RBMS3: variants seen among roughly 807,000 people sequenced by gnomAD.
RBMS3 encodes RNA binding motif single stranded interacting protein 3.
Under a neutral mutation model 66.8 loss-of-function variants are expected in RBMS3, and 27 were observed. The ratio of observed to expected loss-of-function variants is 0.40; its 90% confidence interval spans 0.30 to 0.56. RBMS3 has a LOEUF of 0.56. RBMS3 is among the 20% of genes least tolerant of loss of function. The pLI, the probability that RBMS3 is intolerant of heterozygous loss-of-function variation, is 0.40. For synonymous variants in RBMS3, 188 were observed against 183.0 expected (o/e 1.03, Z -0.22); for missense variants, 513 against 549.5 (o/e 0.93, Z 0.66).
intron 1 of RBMS3, among the ~76,000 whole-genome samples, chr3:29,405,986 C>T (rs1394442177): frequency 2.0e-5 from 3 of 152,162 alleles, no homozygotes; most frequent in East Asian, 3.9e-4. Flanking sequence ...TGCTGCATAT[C>T]CTAATTGTTA....
chr3:29,897,333 G>A (rs2060145726), intron 8 of RBMS3, 46 bp from the exon 9 acceptor site: 3 of 1,531,470 alleles, frequency 2.0e-6, no homozygotes, highest in Non-Finnish European at 1.8e-6. Flanking sequence ...TAGAGGCCAG[G>A]CATGTAGCAG....
chr3:29,365,408 A>G (rs2037842568), intron 1 of RBMS3, among the ~76,000 whole-genome samples: 1 of 152,120 alleles, frequency 6.6e-6, no homozygotes, highest in African/African-American at 2.4e-5. Context: ...ATCATTCATA[A>G]TGTTAGCATG....
chr3:29,354,561 G>T (rs1009543455), intron 1 of RBMS3, among the ~76,000 whole-genome samples: 1 of 151,646 alleles, frequency 6.6e-6, no homozygotes, highest in South Asian at 2.1e-4. Context: ...CATGGTGCAC[G>T]TGTGCACGTG....
chr3:29,697,160 T>G, intron 4 of RBMS3: 1 of 940,338 alleles, frequency 1.1e-6, no homozygotes, highest in Non-Finnish European at 1.3e-6. Context: ...GGATCTAAGT[T>G]TGGGAAAATT....
In RBMS3 at chr3:29,868,955, G is replaced by A; in HGVS notation, c.735G>A (p.Arg245=). The A allele has an allele frequency of 6.3e-7, 1 of 1,595,140 alleles. No homozygotes were observed. Among genetic ancestry groups the A allele is most frequent in the Non-Finnish European group, 8.6e-7 (1 of 1,169,564 alleles). Residue 245 remains arginine, a synonymous_variant, in exon 7 of 15, where the codon AGG becomes AGA. Transcript: ENST00000383767. ...KYTQNGRPWP[R]EGEAGMALTY... is the part of the protein sequence containing the mutation. ...CCCAGAATGGGAGGCCTTGGCCCAGGGAAGGAGAGGTGAGTCCTGACTGAT... is the reference window on the plus strand; with the variant it reads ...CCCAGAATGGGAGGCCTTGGCCCAGAGAAGGAGAGGTGAGTCCTGACTGAT...
In RBMS3 at chr3:30,007,720, T is replaced by C. The variant is rs1699842472; in HGVS notation, c.*3858T>C. The C allele has an allele frequency of 6.6e-6, 1 of 152,092 alleles. No individual in the cohort carries two copies. The highest frequency in any genetic ancestry group is 1.9e-4 in the East Asian group (1 of 5,190). The allele number at this position is 152,092 out of a possible 1,614,324, so 9.4% of individuals were successfully genotyped here. ...GTCTTGAATATTGCAAATGTCATAA[T>C]ACTCTTTTAAAACAGTCCTCTACCT... On this transcript the variant is annotated 3_prime_UTR_variant, in exon 15 of 15. Coordinates refer to ENST00000383767, the MANE Select transcript of RBMS3 (RefSeq NM_001003793.3).
In RBMS3 at chr3:29,959,692, C is replaced by T. The variant is rs555425342; in HGVS notation, c.1098+15438C>T. Among the ~76,000 whole-genome samples, 8 of 152,136 alleles carry T rather than the reference C, an allele frequency of 5.3e-5. No homozygotes were observed. In the South Asian group the frequency reaches 1.0e-3, roughly 20 times the overall value. On this transcript the variant is annotated intron_variant, in intron 12 of 14. Transcript: ENST00000383767. Reference sequence around the variant, plus strand: ...AATTGACTTACAGTTCTGCAGGGCTCGGGAGGCCTCAGGAAACTTACAATC... The same window carrying T: ...AATTGACTTACAGTTCTGCAGGGCTTGGGAGGCCTCAGGAAACTTACAATC...
intron 7 of RBMS3, chr3:29,880,846 C>A (rs1382743353): frequency 1.4e-5 from 22 of 1,528,210 alleles, no homozygotes; most frequent in Admixed American, 3.9e-5. Context: ...CATTCCCGAC[C>A]CTTTTGCAAT....
intron 3 of RBMS3, among the ~76,000 whole-genome samples, chr3:29,581,716 G>A (rs2047335980): frequency 6.6e-6 from 1 of 152,204 alleles, no homozygotes; most frequent in South Asian, 2.1e-4. Flanking sequence ...CAAGCCATCT[G>A]TGTTTCAAGC....
intron 6 of RBMS3, chr3:29,797,857 T>A (rs145129128): frequency 3.7e-4 from 56 of 152,172 alleles, no homozygotes; most frequent in South Asian, 2.1e-3. Context: ...ATCTAATGAG[T>A]TGAAATCATT....
At chr3:29,988,589 T>G (rs1211445429) in intron 13 of RBMS3, among the ~76,000 whole-genome samples, 1 of 152,072 alleles carries the variant, frequency 6.6e-6, no homozygotes, top group Non-Finnish European at 1.5e-5. Context: ...AAAGAGTGGT[T>G]CCTAGACCAG....
chr3:29,329,211 G>C (rs952452819), intron 1 of RBMS3, among the ~76,000 whole-genome samples: 7 of 152,046 alleles, frequency 4.6e-5, no homozygotes, highest in Non-Finnish European at 8.8e-5. Context: ...GGGGCAGGGG[G>C]TTTGTAAGGT....
intron 9 of RBMS3, 78 bp downstream of exon 9, chr3:29,897,553 A>T (rs2060153474): frequency 1.5e-6 from 2 of 1,318,580 alleles, no homozygotes; most frequent in Admixed American, 3.5e-5. Flanking sequence ...AGGACACAGT[A>T]GAATGAAAAG....
At chr3:29,378,790 A>AT (rs11414794) in intron 1 of RBMS3, among the ~76,000 whole-genome samples, 5,248 of 152,138 alleles carry the variant, frequency 0.034, 248 homozygotes, top group East Asian at 0.23. Flanking sequence ...TCTTAAAACG[A>AT]TTTTTTTCCA....
chr3:29,444,385 G>T (rs1237236674), intron 2 of RBMS3, among the ~76,000 whole-genome samples: 1 of 152,108 alleles, frequency 6.6e-6, no homozygotes, highest in East Asian at 1.9e-4. Context: ...TTGTTTAAGA[G>T]CCCCATCTCT....
chr3:29,532,407 C>G (rs1052275593), intron 3 of RBMS3, among the ~76,000 whole-genome samples: 2 of 151,632 alleles, frequency 1.3e-5, no homozygotes, highest in African/African-American at 4.8e-5. Context: ...TTGGGGGAAA[C>G]TGAGTGAACA....
At chr3:29,548,296 G>A (rs1013553842) in intron 3 of RBMS3, among the ~76,000 whole-genome samples, 2 of 152,000 alleles carry the variant, frequency 1.3e-5, no homozygotes, top group African/African-American at 4.8e-5. Context: ...GCTGGGCCTG[G>A]TGGCATGCCT....
chr3:29,606,354 T>C (rs2048321447), intron 4 of RBMS3, among the ~76,000 whole-genome samples: 1 of 152,000 alleles, frequency 6.6e-6, no homozygotes, highest in African/African-American at 2.4e-5. Flanking sequence ...CATTCTGACA[T>C]GGTCACTTGT....
intron 1 of RBMS3, among the ~76,000 whole-genome samples, chr3:29,318,965 TAGAG>T (rs1421613660): frequency 6.6e-6 from 1 of 151,852 alleles, no homozygotes; most frequent in African/African-American, 2.4e-5. Flanking sequence ...GGATTTCAGT[TAGAG>T]AGCATTGAGA....
Sources: gnomAD v4.1 joint callset for allele counts (sites outside exome capture counted in the v4.1 genomes callset) on GRCh38, gnomAD v4.1.1 for gene constraint, MANE v1.5 for transcripts, NCBI Gene and HGNC (gene_info 2026-07-23, HGNC 2026-07-21) for gene names.